The following RFX3 variants were observed in gnomAD, a reference collection of about 807,000 sequenced individuals.
RFX3 encodes transcription factor RFX3.
In RFX3, 14 loss-of-function variants were observed where a neutral mutation model predicts 98.6. The ratio of observed to expected loss-of-function variants is 0.14; its 90% CI spans 0.09 to 0.22. RFX3 has a LOEUF of 0.22. Ranked by LOEUF, RFX3 falls within the 10% of genes least tolerant of loss-of-function variation. RFX3 has a pLI of 1.00. For synonymous variants in RFX3, 383 were observed against 328.4 expected, an observed-to-expected ratio of 1.17 and a Z score of -1.80; for missense variants, 639 against 926.9, an observed-to-expected ratio of 0.69 and a Z score of 4.03.
intron 2 of RFX3, among the ~76,000 whole-genome samples, chr9:3,362,724 G>C (rs1397891021): frequency 2.6e-5 from 4 of 152,122 alleles, no homozygotes; most frequent in Non-Finnish European, 5.9e-5. Context: ...TCTTGACCTT[G>C]TGACCATCTG....
chr9:3,395,760 AC>A (rs2131936853), intron 1 of RFX3, among the ~76,000 whole-genome samples, 164 bp from the exon 2 acceptor site: 2 of 152,300 alleles, frequency 1.3e-5, no homozygotes, highest in African/African-American at 4.8e-5. Flanking sequence ...GGTCATTCTG[AC>A]CACTTTATAA....
At chr9:3,493,762 T>C (rs1304834201) in intron 1 of RFX3, among the ~76,000 whole-genome samples, 1 of 148,356 alleles carries the variant, frequency 6.7e-6, no homozygotes, top group Non-Finnish European at 1.5e-5. Flanking sequence ...GGTTATCCTA[T>C]AAACTTAGTT....
At chr9:3,465,458 CTTTTTTTTTT>C (rs34093115) in intron 1 of RFX3, among the ~76,000 whole-genome samples, 2 of 129,686 alleles carry the variant, frequency 1.5e-5, no homozygotes, top group Non-Finnish European at 3.2e-5. Flanking sequence ...GCCCAGGTAA[CTTTTTTTTTT>C]TTTTTTTGTA....
At chr9:3,252,036 CG>C (rs1307216628) in intron 14 of RFX3, among the ~76,000 whole-genome samples, 3 of 152,042 alleles carry the variant, frequency 2.0e-5, no homozygotes, top group Non-Finnish European at 4.4e-5. Flanking sequence ...TTAGTAGAGA[CG>C]GGGTTTCTCC....
intron 1 of RFX3, among the ~76,000 whole-genome samples, chr9:3,452,812 T>C (rs1846782615): frequency 6.6e-6 from 1 of 152,238 alleles, no homozygotes; most frequent in Non-Finnish European, 1.5e-5. Context: ...TACTATAGGT[T>C]TCTGATTTCA....
rs1824301872 is a variant in RFX3, at chr9:3,270,651, G to C, written c.1203-126C>G. ...AGAACTATACCACCATTGCACTGGT[G>C]CCATACAGCTGGCTATATATACCGA... On this transcript the variant is annotated intron_variant, in intron 10 of 16. Coordinates refer to ENST00000617270, the MANE Select transcript of RFX3 (RefSeq NM_001282116.2). 1.3e-5 allele frequency: 12 copies of C among 916,762 alleles called. No individual in the cohort carries two copies. In the Admixed American group the frequency reaches 3.0e-4, roughly 23 times the overall value. The allele number at this position is 916,762 out of a possible 1,614,324, so 56.8% of individuals were successfully genotyped here.
At chr9:3,228,761 T>G (rs1818094754) in intron 16 of RFX3, 86 bp downstream of exon 16, 3 of 1,031,126 alleles carry the variant, frequency 2.9e-6, no homozygotes, top group African/African-American at 3.3e-5. Flanking sequence ...AAAATCAGAG[T>G]GTTGTAAACA....
At chr9:3,378,847 T>C (rs1321826372) in intron 2 of RFX3, among the ~76,000 whole-genome samples, 1 of 152,144 alleles carries the variant, frequency 6.6e-6, no homozygotes, top group East Asian at 1.9e-4. Flanking sequence ...TGAACTACCA[T>C]GCCCGGCCTT....
At chr9:3,232,863 A>T (rs183838497) in intron 15 of RFX3, among the ~76,000 whole-genome samples, 335 of 152,240 alleles carry the variant, frequency 2.2e-3, no homozygotes, top group African/African-American at 7.0e-3. Flanking sequence ...AGAGAGAGAC[A>T]GACAGAGAGA....
intron 15 of RFX3, among the ~76,000 whole-genome samples, chr9:3,232,038 A>ACAAGCAAGCAAGCAAGCAAG (rs66952089): frequency 4.8e-5 from 3 of 62,896 alleles, no homozygotes; most frequent in Admixed American, 1.5e-4. Context: ...TGTCTCAAAA[A>ACAAGCAAGCAAGCAAGCAAG]CAAGCAAGCA....
At chr9:3,415,870 C>T (rs965481751) in intron 1 of RFX3, among the ~76,000 whole-genome samples, 1 of 152,106 alleles carries the variant, frequency 6.6e-6, no homozygotes, top group Admixed American at 6.5e-5. Context: ...TAGAAGGTGG[C>T]GGCAATGTTC....
chr9:3,493,225 G>A (rs1002595824), intron 1 of RFX3, among the ~76,000 whole-genome samples: 1 of 151,992 alleles, frequency 6.6e-6, no homozygotes, highest in African/African-American at 2.4e-5. Context: ...TTCAACCAAA[G>A]TCTTTCTCAA....
At chr9:3,404,698 A>T (rs2132075212) in intron 1 of RFX3, among the ~76,000 whole-genome samples, 1 of 152,318 alleles carries the variant, frequency 6.6e-6, no homozygotes, top group East Asian at 1.9e-4. Flanking sequence ...TATAGTTGTC[A>T]TTATATAATA....
intron 1 of RFX3, chr9:3,490,250 T>A: frequency 1.2e-6 from 1 of 811,908 alleles, no homozygotes; most frequent in Non-Finnish European, 1.5e-6. Context: ...CACAGTTCAT[T>A]ATTTATAAAG....
intron 1 of RFX3, among the ~76,000 whole-genome samples, chr9:3,492,316 T>C (rs1369152148): frequency 2.6e-5 from 4 of 152,206 alleles, no homozygotes; most frequent in African/African-American, 9.6e-5. Context: ...CCCTGCTCAT[T>C]TGACACTCAT....
chr9:3,366,704 T>TTC (rs967646625), intron 2 of RFX3, among the ~76,000 whole-genome samples: 1 of 118,036 alleles, frequency 8.5e-6, no homozygotes, highest in African/African-American at 3.3e-5. Context: ...CTTTCTTTCT[T>TTC]TCTTTCTTTC....
intron 1 of RFX3, among the ~76,000 whole-genome samples, chr9:3,415,214 C>T (rs1337315092): frequency 3.3e-5 from 4 of 121,516 alleles, no homozygotes; most frequent in Non-Finnish European, 6.3e-5. Context: ...TATATACATA[C>T]TCATATATAT....
rs568180121 is a variant in RFX3 at position 3,261,758 on chromosome 9, T to C, written c.1605+1177A>G. The stretch of plus-strand genomic sequence containing the variant: ...AAAGTGGCTACAGCATTTTATATTC[T>C]GACCAGCAGTGTATGAGGTTCCAAT... On this transcript the variant is annotated intron_variant, in intron 13 of 16. Transcript: ENST00000617270. 9.8e-5 allele frequency among the ~76,000 whole-genome samples: 15 copies of C among 152,288 alleles called. 1 individual carries two copies. In the South Asian group the frequency reaches 1.5e-3, roughly 15 times the overall value.
intron 1 of RFX3, among the ~76,000 whole-genome samples, chr9:3,440,580 G>T (rs1845528044): frequency 6.6e-6 from 1 of 152,066 alleles, no homozygotes; most frequent in Non-Finnish European, 1.5e-5. Context: ...ACTTCTAAAA[G>T]AAATTAGAGG....
Sources: allele counts gnomAD v4.1 joint callset (sites outside exome capture counted in the v4.1 genomes callset), GRCh38; gene constraint gnomAD v4.1.1; transcripts MANE v1.5; gene names NCBI Gene and HGNC (gene_info 2026-07-23, HGNC 2026-07-21).